The following PLEKHA8 variants were observed in gnomAD, a reference collection of about 807,000 sequenced individuals.
The protein encoded by PLEKHA8 is pleckstrin homology domain-containing family A member 8.
In PLEKHA8, 36 loss-of-function variants were observed where a neutral mutation model predicts 68.2. The ratio of observed to expected loss-of-function variants is 0.53; its 90% CI spans 0.40 to 0.70. The LOEUF is 0.70. PLEKHA8 is among the 30% of genes least tolerant of loss of function. The pLI, the probability that PLEKHA8 is intolerant of heterozygous loss-of-function variation, is 0.00. For synonymous variants in PLEKHA8, 211 were observed against 216.1 expected (o/e 0.98, Z 0.20); for missense variants, 505 against 615.4 (o/e 0.82, Z 1.90).
intron 13 of PLEKHA8, among the ~76,000 whole-genome samples, chr7:30,128,927 A>G (rs1323154172): frequency 6.6e-6 from 1 of 152,138 alleles, no homozygotes; most frequent in Non-Finnish European, 1.5e-5. Context: ...TCGGGAGTGA[A>G]CAGAGTGAGA....
intron 13 of PLEKHA8, among the ~76,000 whole-genome samples, chr7:30,112,721 A>C (rs1796311356): frequency 6.6e-6 from 1 of 151,596 alleles, no homozygotes; most frequent in African/African-American, 2.4e-5. Context: ...TCTGAAAAAA[A>C]AAAAAGCCCA....
In PLEKHA8 at chr7:30,029,959, T is replaced by C. The variant is rs1015475421; in HGVS notation, c.40+1157T>C. On this transcript the variant is annotated intron_variant, in intron 1 of 13. Coordinates refer to ENST00000449726, the MANE Select transcript of PLEKHA8 (RefSeq NM_001197026.2). The stretch of plus-strand genomic sequence containing the variant: ...AGTGAGTTCACCTGTTTATTTTTTT[T>C]CTGTAATCATTAATAGAGACTAAAT... Among the ~76,000 whole-genome samples the C allele has an allele frequency of 1.1e-4, 16 of 152,222 alleles. 1 individual carries two copies. The highest frequency in any genetic ancestry group is 1.5e-4 in the Non-Finnish European group (10 of 68,042).
At chr7:30,031,112 A>G (rs567293667) in intron 1 of PLEKHA8, among the ~76,000 whole-genome samples, 1 of 152,316 alleles carries the variant, frequency 6.6e-6, no homozygotes, top group African/African-American at 2.4e-5. Context: ...GGTCTTTTGA[A>G]TCCTTAGGGG....
intron 1 of PLEKHA8, among the ~76,000 whole-genome samples, chr7:30,034,747 T>C (rs1790936676): frequency 6.6e-6 from 1 of 152,140 alleles, no homozygotes; most frequent in African/African-American, 2.4e-5. Flanking sequence ...TGTGCACGGT[T>C]GAAATTCAAA....
chr7:30,113,373 C>T (rs1324696677), intron 13 of PLEKHA8, among the ~76,000 whole-genome samples: 2 of 152,170 alleles, frequency 1.3e-5, no homozygotes, highest in African/African-American at 4.8e-5. Context: ...TATTTTCCCT[C>T]TATATTTTGA....
intron 13 of PLEKHA8, among the ~76,000 whole-genome samples, chr7:30,099,958 G>A (rs1296920238): frequency 6.6e-6 from 1 of 152,136 alleles, no homozygotes; most frequent in Non-Finnish European, 1.5e-5. Context: ...TAAGGTGTTG[G>A]CAAGTCCATC....
rs971073756 is a variant in PLEKHA8 at position 30,082,121 on chromosome 7, G to C, written c.*3334G>C. 1.0e-6 allele frequency: 1 copy of C among 985,202 alleles called. No individual in the cohort carries two copies. Among genetic ancestry groups the C allele is most frequent in the South Asian group, 4.7e-5 (1 of 21,288 alleles). The allele number at this position is 985,202 out of a possible 1,614,324, so 61.0% of individuals were successfully genotyped here. ...TGGGCCCAAGACATTGACTTCGAAG[G>C]GTAGTTCTCATTAGGATGTATAAGT... is the stretch of plus-strand genomic sequence containing the variant. On this transcript the variant is annotated 3_prime_UTR_variant, in exon 14 of 14. Coordinates refer to ENST00000449726, the MANE Select transcript of PLEKHA8 (RefSeq NM_001197026.2).
intron 13 of PLEKHA8, chr7:30,117,953 G>T (rs1250848405): frequency 4.0e-6 from 6 of 1,511,988 alleles, no homozygotes; most frequent in Non-Finnish European, 5.3e-6. Flanking sequence ...ACTGAGACGT[G>T]GATTCATTTC....
At position 30,083,385 on chromosome 7, in the gene PLEKHA8, G is replaced by A. The variant is rs149801958; in HGVS notation, c.*4598G>A. 386 of 983,482 alleles carry A rather than the reference G, an allele frequency of 3.9e-4. 7 individuals carry two copies. The East Asian group carries it at 0.032, about 80-fold the overall frequency. 60.9% of individuals were successfully genotyped at this position (983,482 alleles called of 1,614,324 possible). ...TAAGACTGTTTATCTGTATCACAAC[G>A]TCATTAGGAGTTCTTTCAACAATTC... On this transcript the variant is annotated 3_prime_UTR_variant, in exon 14 of 14. Transcript: ENST00000449726.
intron 1 of PLEKHA8, among the ~76,000 whole-genome samples, chr7:30,040,856 T>A (rs1262751364): frequency 1.3e-5 from 2 of 152,160 alleles, no homozygotes; most frequent in Non-Finnish European, 2.9e-5. Flanking sequence ...GGAATTTGGG[T>A]GATACCACAT....
intron 12 of PLEKHA8, chr7:30,090,076 C>A: frequency 1.4e-6 from 2 of 1,426,244 alleles, no homozygotes; most frequent in Admixed American, 2.5e-5. Flanking sequence ...AAAAAAGTAT[C>A]TGGAGATAAA....
chr7:30,101,180 GAA>G (rs374275819), intron 13 of PLEKHA8, among the ~76,000 whole-genome samples: 1 of 141,180 alleles, frequency 7.1e-6, no homozygotes, highest in Admixed American at 7.1e-5. Flanking sequence ...AGACTTGGGG[GAA>G]AAAAAAAAAA....
chr7:30,109,117 ACT>A (rs200443374), intron 13 of PLEKHA8, among the ~76,000 whole-genome samples: 2 of 151,650 alleles, frequency 1.3e-5, no homozygotes, highest in African/African-American at 2.4e-5. Context: ...CTAATTGTTC[ACT>A]CTCTCTCTTT....
intron 13 of PLEKHA8, chr7:30,117,895 A>G: frequency 5.9e-6 from 6 of 1,009,204 alleles, no homozygotes; most frequent in Non-Finnish European, 8.7e-6. Context: ...TGTAGATTAA[A>G]GATTGCCAAG....
intron 1 of PLEKHA8, among the ~76,000 whole-genome samples, chr7:30,030,281 C>CT (rs1416233231): frequency 6.6e-6 from 1 of 152,084 alleles, no homozygotes; most frequent in African/African-American, 2.4e-5. Flanking sequence ...CCATCCCCAA[C>CT]TTTTTTTGTT....
At chr7:30,052,621 CAG>C (rs1451718296) in intron 6 of PLEKHA8, 86 bp from the exon 7 acceptor site, 4 of 1,135,996 alleles carry the variant, frequency 3.5e-6, no homozygotes, top group Non-Finnish European at 4.7e-6. Flanking sequence ...GCCTGGGTGA[CAG>C]AGTGGAGACC....
chr7:30,086,367 C>G (rs1795181584), downstream of PLEKHA8, among the ~76,000 whole-genome samples: 1 of 152,222 alleles, frequency 6.6e-6, no homozygotes, highest in African/African-American at 2.4e-5. Context: ...CTATCTACCT[C>G]TGGCCTCTCT....
At chr7:30,056,310 CTCTA>C (rs1210289841) in intron 9 of PLEKHA8, among the ~76,000 whole-genome samples, 3,330 of 72,156 alleles carry the variant, frequency 0.046, 152 homozygotes, top group Non-Finnish European at 0.061. Context: ...CTCTCTCTCT[CTCTA>C]TATATATATA....
intron 13 of PLEKHA8, among the ~76,000 whole-genome samples, chr7:30,103,200 T>G (rs1478025789): frequency 6.6e-6 from 1 of 152,232 alleles, no homozygotes; most frequent in Non-Finnish European, 1.5e-5. Context: ...GTTCCAGATA[T>G]TGTGCATAAG....
Sources: gnomAD v4.1 joint callset for allele counts (sites outside exome capture counted in the v4.1 genomes callset) on GRCh38, gnomAD v4.1.1 for gene constraint, MANE v1.5 for transcripts, NCBI Gene and HGNC (gene_info 2026-07-23, HGNC 2026-07-21) for gene names.